PWWP2B: variants seen among roughly 807,000 people sequenced by gnomAD.
PWWP2B encodes the protein PWWP domain-containing protein 2B.
In PWWP2B, 9 loss-of-function variants were observed where a neutral mutation model predicts 15.5. The observed-to-expected ratio is 0.58, with a 90% CI of 0.35 to 1.02. PWWP2B has a LOEUF of 1.02. Among genes scored for constraint, PWWP2B ranks in the 50% least tolerant of loss-of-function variants. The pLI is 0.02. For missense variants in PWWP2B, 864 were observed against 865.3 expected, an observed-to-expected ratio of 1.00 and a Z score of 0.02; for synonymous variants, 474 against 403.6, an observed-to-expected ratio of 1.17 and a Z score of -2.09.
intron 2 of PWWP2B, among the ~76,000 whole-genome samples, chr10:132,410,700 G>T (rs1193108725): frequency 6.6e-6 from 1 of 152,168 alleles, no homozygotes; most frequent in Non-Finnish European, 1.5e-5. Flanking sequence ...GGCCGACGGG[G>T]CACTTGGTCC....
intron 1 of PWWP2B, among the ~76,000 whole-genome samples, chr10:132,397,577 G>T (rs2069554366): frequency 1.3e-5 from 2 of 151,198 alleles, no homozygotes; most frequent in South Asian, 4.2e-4. Flanking sequence ...GCGCCGGGCC[G>T]GGGCGGGCCG....
chr10:132,410,953 G>A (rs1309037969), intron 2 of PWWP2B, among the ~76,000 whole-genome samples: 3 of 152,198 alleles, frequency 2.0e-5, no homozygotes, highest in South Asian at 2.1e-4. Context: ...TTTTGGGGGC[G>A]TACCCAGCAC....
chr10:132,415,094 A>ACTG (rs1466395092), intron 2 of PWWP2B, among the ~76,000 whole-genome samples: 1 of 152,324 alleles, frequency 6.6e-6, no homozygotes, highest in East Asian at 1.9e-4. Context: ...TAGACGATGT[A>ACTG]CTGCTGCTGC....
chr10:132,412,211 C>T (rs1171547941), intron 2 of PWWP2B, among the ~76,000 whole-genome samples: 1 of 152,230 alleles, frequency 6.6e-6, no homozygotes, highest in Non-Finnish European at 1.5e-5. Flanking sequence ...TGTGGGGGGA[C>T]ACTGCTGGAG....
At chr10:132,398,638 C>T (rs533300818) in intron 1 of PWWP2B, among the ~76,000 whole-genome samples, 14 of 152,348 alleles carry the variant, frequency 9.2e-5, no homozygotes, top group African/African-American at 1.7e-4. Flanking sequence ...GCAGTGGCCT[C>T]GGGCTCTCCT....
chr10:132,414,987 CTTTAA>C (rs1320743042), intron 2 of PWWP2B, among the ~76,000 whole-genome samples: 3 of 152,326 alleles, frequency 2.0e-5, no homozygotes, highest in African/African-American at 7.2e-5. Context: ...TGCAGCTTCT[CTTTAA>C]TTTGTGTTTG....
At chr10:132,406,428 C>T (rs113194071) in intron 2 of PWWP2B, 139 bp downstream of exon 2, 9 of 705,924 alleles carry the variant, frequency 1.3e-5, no homozygotes, top group South Asian at 4.1e-5. Context: ...GGGCCCCAGC[C>T]GTCTGGAAAA....
At chr10:132,413,217 G>A (rs776806076) in intron 2 of PWWP2B, among the ~76,000 whole-genome samples, 1 of 152,226 alleles carries the variant, frequency 6.6e-6, no homozygotes, top group African/African-American at 2.4e-5. Flanking sequence ...TTTTATAGAT[G>A]TAAAGGTTAA....
At chr10:132,416,910 A>G (rs2069865591) in intron 2 of PWWP2B, 151 bp from the exon 3 acceptor site, 1 of 771,406 alleles carries the variant, frequency 1.3e-6, no homozygotes, top group Admixed American at 2.0e-5. Context: ...CCCTGAGGGA[A>G]GGAGGGCCGG....
At chr10:132,400,329 G>A (rs1191763819) in intron 1 of PWWP2B, among the ~76,000 whole-genome samples, 3 of 152,158 alleles carry the variant, frequency 2.0e-5, no homozygotes, top group East Asian at 1.9e-4. Flanking sequence ...GGAGGGTGTG[G>A]GGTGGGGGCC....
At chr10:132,409,716 G>A (rs1414141882) in intron 2 of PWWP2B, among the ~76,000 whole-genome samples, 1 of 150,070 alleles carries the variant, frequency 6.7e-6, no homozygotes, top group Non-Finnish European at 1.5e-5. Flanking sequence ...CAAATGGGGA[G>A]GGCTGTGAAT....
rs1445001493 is a variant in PWWP2B at position 132,405,458 on chromosome 10, C to T, written c.958C>T (p.Arg320Trp). The T allele has an allele frequency of 3.1e-6, 5 of 1,606,910 alleles. No homozygotes were observed. The South Asian group carries it at 4.4e-5, about 14-fold the overall frequency. ...SASIPKLKLT[R>W]PVPAGADLPP... is the part of the protein sequence containing the mutation. ...CTCCATCCCCAAGTTGAAACTGACA[C>T]GGCCTGTGCCGGCCGGCGCGGACCT... is the stretch of plus-strand genomic sequence containing the variant. The change falls in exon 2 of 3, where the codon CGG (arginine) becomes TGG (tryptophan). Residue 320 changes from arginine (R) to tryptophan (W), a missense_variant. Coordinates refer to ENST00000305233, the MANE Select transcript of PWWP2B (RefSeq NM_138499.4).
At chr10:132,415,305 C>T (rs1485710780) in intron 2 of PWWP2B, among the ~76,000 whole-genome samples, 1 of 150,158 alleles carries the variant, frequency 6.7e-6, no homozygotes, top group African/African-American at 2.5e-5. Context: ...TCCACTCACA[C>T]TCACACACAT....
At chr10:132,398,735 C>T (rs577709347) in intron 1 of PWWP2B, among the ~76,000 whole-genome samples, 9 of 152,346 alleles carry the variant, frequency 5.9e-5, no homozygotes, top group South Asian at 2.1e-4. Flanking sequence ...GGACCCCCGG[C>T]GTGGGAACTG....
Position 132,405,470 on chromosome 10 carries a change from GC to G in PWWP2B, c.972del (p.Gly325AlafsTer11). 1 of 1,605,922 alleles carries G rather than the reference GC, an allele frequency of 6.2e-7. No individual in the cohort carries two copies. ...GTTGAAACTGACACGGCCTGTGCCG[GC>G]CGGCGCGGACCTGCCGCCCCCTAAG... ...PKLKLTRPVP[A>X]GADLPPPKIR... On this transcript the variant is annotated frameshift_variant, in exon 2 of 3. Coordinates refer to ENST00000305233, the MANE Select transcript of PWWP2B (RefSeq NM_138499.4). LOFTEE classifies it low-confidence loss of function (END_TRUNC).
intron 1 of PWWP2B, among the ~76,000 whole-genome samples, chr10:132,400,713 A>G (rs2069604840): frequency 2.0e-5 from 3 of 152,130 alleles, no homozygotes; most frequent in Admixed American, 6.5e-5. Flanking sequence ...CTAGACTGAC[A>G]CTGGAGCATA....
In PWWP2B at chr10:132,398,451, G is replaced by A. The variant is rs563382994; in HGVS notation, c.125+1100G>A. ...GGGAGCTGCCATCCCCTCCACCATC[G>A]GCCTCAGCTTCCTCTGGCGGGCAGG... is the stretch of plus-strand genomic sequence containing the variant. On this transcript the variant is annotated intron_variant, in intron 1 of 2. Transcript: ENST00000305233. 6.6e-4 allele frequency among the ~76,000 whole-genome samples: 101 copies of A among 152,308 alleles called. 1 individual carries two copies. The highest frequency in any genetic ancestry group is 2.7e-3 in the South Asian group (13 of 4,832).
chr10:132,405,455 A>AC lies in PWWP2B; in HGVS notation c.956dup (p.Arg320ThrfsTer13). 1 of 1,608,444 alleles carries AC rather than the reference A, an allele frequency of 6.2e-7. No individual in the cohort carries two copies. The highest frequency in any genetic ancestry group is 8.5e-7 in the Non-Finnish European group (1 of 1,179,450). ...GGCCTCCATCCCCAAGTTGAAACTG[A>AC]CACGGCCTGTGCCGGCCGGCGCGGA... is the stretch of plus-strand genomic sequence containing the variant. On this transcript the variant is annotated frameshift_variant, in exon 2 of 3. Coordinates refer to ENST00000305233, the MANE Select transcript of PWWP2B (RefSeq NM_138499.4). LOFTEE classifies it low-confidence loss of function (END_TRUNC).
chr10:132,413,392 C>T (rs751079924), intron 2 of PWWP2B, among the ~76,000 whole-genome samples: 1 of 152,200 alleles, frequency 6.6e-6, no homozygotes, highest in African/African-American at 2.4e-5. Flanking sequence ...TGCCCGCGGG[C>T]GTCCCGGTGG....
Sources: allele counts gnomAD v4.1 joint callset (sites outside exome capture counted in the v4.1 genomes callset), GRCh38; gene constraint gnomAD v4.1.1; transcripts MANE v1.5; gene names NCBI Gene and HGNC (gene_info 2026-07-23, HGNC 2026-07-21).